The following TUSC3 variants were observed in gnomAD, a reference collection of about 807,000 sequenced individuals.
TUSC3 encodes dolichyl-diphosphooligosaccharide--protein glycosyltransferase subunit TUSC3.
Under a neutral mutation model 44.8 loss-of-function variants are expected in TUSC3, and 45 were observed. That is an observed-to-expected ratio of 1.00 (90% CI 0.79 to 1.29). The LOEUF is 1.29. TUSC3 is among the 50% of genes most tolerant of loss of function. The pLI is 0.00. For missense variants in TUSC3, 519 were observed against 437.9 expected (o/e 1.19, Z -1.65); for synonymous variants, 212 against 152.9 (o/e 1.39, Z -2.85).
At chr8:15,779,179 C>T in the TUSC3 span, among the ~76,000 whole-genome samples, 1 of 146,820 alleles carries the variant, frequency 6.8e-6, no homozygotes, top group Non-Finnish European at 1.5e-5. Flanking sequence ...GAGAGAAATA[C>T]TGTCGCCAGT....
chr8:15,593,941 A>G (rs1482853126), intron 1 of TUSC3, among the ~76,000 whole-genome samples: 7 of 152,120 alleles, frequency 4.6e-5, no homozygotes, highest in Admixed American at 3.9e-4. Flanking sequence ...GTTTTCCCTG[A>G]TCATTAAAAT....
intron 1 of TUSC3, among the ~76,000 whole-genome samples, chr8:15,424,055 A>G (rs1302581960): frequency 3.3e-5 from 4 of 120,864 alleles, no homozygotes; most frequent in South Asian, 2.7e-4. Context: ...CACTGGTGCT[A>G]TCTTGGCTCA....
chr8:15,574,080 C>CCT (rs1204861917), intron 1 of TUSC3, among the ~76,000 whole-genome samples: 1 of 152,066 alleles, frequency 6.6e-6, no homozygotes, highest in Non-Finnish European at 1.5e-5. Flanking sequence ...CTTGGATGGA[C>CCT]CTAACAAGAG....
Position 15,635,553 on chromosome 8 carries a change from T to G in TUSC3, c.308+12304T>G, listed in dbSNP as rs1307616434. ...CATATTTTAATTTAAAAATTCACAA[T>G]GGAATGGCTACAGTTAACTAGCACA... On this transcript the variant is annotated intron_variant, in intron 2 of 10. Transcript: ENST00000503731. 2.6e-5 allele frequency among the ~76,000 whole-genome samples: 4 copies of G among 152,160 alleles called. No homozygotes were observed. The East Asian group carries it at 7.7e-4, about 29-fold the overall frequency.
At chr8:15,638,472 C>G (rs1339639820) in intron 2 of TUSC3, among the ~76,000 whole-genome samples, 3 of 149,596 alleles carry the variant, frequency 2.0e-5, no homozygotes, top group African/African-American at 7.4e-5. Flanking sequence ...TCTGACCACA[C>G]AGAAGGAAGT....
In TUSC3 at chr8:15,540,416, C is replaced by T. The variant is rs1384980761; in HGVS notation, c.-15C>T. 6.4e-7 allele frequency: 1 copy of T among 1,568,510 alleles called. No homozygotes were observed. The highest frequency in any genetic ancestry group is 1.4e-5 in the African/African-American group (1 of 72,458). The stretch of plus-strand genomic sequence containing the variant: ...GCACGGCTACCGCGCGTGGAGGAGA[C>T]ACTGCCCTGCCGCGATGGGGGCCCG... On this transcript the variant is annotated 5_prime_UTR_variant, in exon 1 of 11. Coordinates refer to ENST00000503731, the MANE Select transcript of TUSC3 (RefSeq NM_006765.4).
intron 1 of TUSC3, among the ~76,000 whole-genome samples, chr8:15,585,427 G>T (rs1263933871): frequency 2.6e-5 from 4 of 152,180 alleles, no homozygotes; most frequent in Non-Finnish European, 5.9e-5. Flanking sequence ...AAAGGGTGAG[G>T]TTGGAGCGAA....
intron 6 of TUSC3, among the ~76,000 whole-genome samples, chr8:15,723,944 A>C (rs1366846143): frequency 6.6e-6 from 1 of 152,136 alleles, no homozygotes; most frequent in Non-Finnish European, 1.5e-5. Flanking sequence ...AGAGGTATGA[A>C]CTGAATTCTT....
At chr8:15,555,398 G>C (rs1275182747) in intron 1 of TUSC3, among the ~76,000 whole-genome samples, 1 of 141,236 alleles carries the variant, frequency 7.1e-6, no homozygotes, top group African/African-American at 2.6e-5. Flanking sequence ...CTGGGCTCAA[G>C]TGATCCTCCC....
At chr8:15,556,346 T>C (rs1226425500) in intron 1 of TUSC3, among the ~76,000 whole-genome samples, 1 of 150,778 alleles carries the variant, frequency 6.6e-6, no homozygotes, top group African/African-American at 2.4e-5. Flanking sequence ...TCATTTTTTA[T>C]GGCTGCATAG....
At chr8:15,759,190 C>A (rs1187975886) in intron 10 of TUSC3, among the ~76,000 whole-genome samples, 1 of 152,076 alleles carries the variant, frequency 6.6e-6, no homozygotes, top group African/African-American at 2.4e-5. Flanking sequence ...GTGAACAACC[C>A]AGACCTTTTT....
chr8:15,670,758 C>T lies in TUSC3; in HGVS notation c.709-2989C>T, dbSNP rs75818811. On this transcript the variant is annotated intron_variant, in intron 5 of 10. Coordinates refer to ENST00000503731, the MANE Select transcript of TUSC3 (RefSeq NM_006765.4). Reference sequence around the variant, plus strand: ...TAATAAAATGAAAAGAAAGACAAGCCTCATGTTTGGTGAGGACTATTTGCC... The same window carrying T: ...TAATAAAATGAAAAGAAAGACAAGCTTCATGTTTGGTGAGGACTATTTGCC... Among the ~76,000 whole-genome samples, 742 of 151,772 alleles carry T rather than the reference C, an allele frequency of 4.9e-3. 20 individuals are homozygous for T. In the East Asian group the frequency reaches 0.071, roughly 15 times the overall value.
the TUSC3 span, among the ~76,000 whole-genome samples, chr8:15,833,296 TGTGGC>T: frequency 6.6e-6 from 1 of 152,126 alleles, no homozygotes; most frequent in Non-Finnish European, 1.5e-5. Flanking sequence ...TGGAAAACAA[TGTGGC>T]AATTCCTCAA....
At chr8:15,768,425 A>G (rs556162166), downstream of TUSC3, among the ~76,000 whole-genome samples, 4 of 152,150 alleles carry the variant, frequency 2.6e-5, no homozygotes, top group Non-Finnish European at 1.5e-5. Context: ...ATGAAGAGAC[A>G]AGAAAGTCAT....
Position 15,764,344 on chromosome 8 carries a change from CTG to C in TUSC3, c.*191_*192del, listed in dbSNP as rs1005211734. 2.9e-4 allele frequency: 295 copies of C among 1,016,146 alleles called. No homozygotes were observed. The highest frequency in any genetic ancestry group is 2.6e-4 in the Non-Finnish European group (182 of 687,376). The allele number at this position is 1,016,146 out of a possible 1,614,324, so 62.9% of individuals were successfully genotyped here. A position where few individuals can be genotyped will look rare whatever the true frequency, so the allele number is the denominator to read the frequency against. On this transcript the variant is annotated 3_prime_UTR_variant, in exon 11 of 11. Transcript: ENST00000503731. Reference sequence around the variant, plus strand: ...CTTATTCTTGTGTACTTTTTTTAAACTGTGGGTTTTCCTAGTAAATTTAATTT... The same window carrying C: ...CTTATTCTTGTGTACTTTTTTTAAACTGGGTTTTCCTAGTAAATTTAATTT...
downstream of TUSC3, among the ~76,000 whole-genome samples, chr8:15,769,411 G>A (rs192542668): frequency 3.3e-3 from 502 of 152,086 alleles, 4 homozygotes; most frequent in African/African-American, 0.011. Flanking sequence ...CCCTTACACC[G>A]TACACAAAAA....
intron 2 of TUSC3, among the ~76,000 whole-genome samples, chr8:15,493,801 C>T (rs1308056434): frequency 6.6e-6 from 1 of 152,100 alleles, no homozygotes; most frequent in Non-Finnish European, 1.5e-5. Context: ...CTGGAATGAC[C>T]AAGTAGCCAA....
chr8:15,441,211 A>T (rs28667931), intron 1 of TUSC3, among the ~76,000 whole-genome samples: 24,718 of 152,230 alleles, frequency 0.16, 2,088 homozygotes, highest in Middle Eastern at 0.22. Context: ...GTTCAAAACC[A>T]GTCTTGTCAA....
intron 3 of TUSC3, among the ~76,000 whole-genome samples, chr8:15,658,659 C>CACAA (rs71543654): frequency 1.3e-5 from 2 of 150,450 alleles, no homozygotes; most frequent in East Asian, 2.0e-4. Context: ...CACACACACA[C>CACAA]AAATACAATA....
Sources: allele counts gnomAD v4.1 joint callset (sites outside exome capture counted in the v4.1 genomes callset), GRCh38; gene constraint gnomAD v4.1.1; transcripts MANE v1.5; gene names NCBI Gene and HGNC (gene_info 2026-07-23, HGNC 2026-07-21).